Variants in THUMPD2 observed in about 807,000 individuals in gnomAD.
THUMPD2 encodes the protein U6 snRNA (guanine-N(2))-methyltransferase THUMPD2.
In THUMPD2, 56 loss-of-function variants were observed where a neutral mutation model predicts 49.4. That is an observed-to-expected ratio of 1.13 (90% confidence interval 0.91 to 1.41). The LOEUF (loss-of-function observed/expected upper bound fraction) is 1.41. Ranked by LOEUF, THUMPD2 falls within the 40% of genes most tolerant of loss-of-function variation. The pLI is 0.00. For missense variants in THUMPD2, 709 were observed against 594.5 expected (o/e 1.19, Z -2.00); for synonymous variants, 237 against 205.2 (o/e 1.15, Z -1.32).
At chr2:39,759,098 G>A (rs898159932) in intron 6 of THUMPD2, among the ~76,000 whole-genome samples, 1 of 152,064 alleles carries the variant, frequency 6.6e-6, no homozygotes. Flanking sequence ...GGGAAATCAT[G>A]TCAAAAGGAT....
At chr2:39,753,706 T>C (rs564190895) in intron 8 of THUMPD2, among the ~76,000 whole-genome samples, 2 of 152,222 alleles carry the variant, frequency 1.3e-5, no homozygotes, top group Admixed American at 6.5e-5. Context: ...CTCTCTCTCA[T>C]AGTCCACATC....
chr2:39,736,856 T>C lies in THUMPD2; in HGVS notation c.1391A>G (p.Lys464Arg), dbSNP rs370255117. 8 of 1,614,100 alleles carry C rather than the reference T, an allele frequency of 5.0e-6. No homozygotes were observed. The highest frequency in any genetic ancestry group is 2.7e-5 in the African/African-American group (2 of 74,938). ...ASTSFEASNH[K>R]FLDRMSPFGS... ...AAATGGTGACATTCTGTCTAAGAAT[T>C]TGTGGTTACTGGCTTCGAATGAAGT... Residue 464 changes from lysine to arginine, a missense_variant, in exon 10 of 10, where the codon AAA (lysine) becomes AGA (arginine). Coordinates refer to ENST00000505747, the MANE Select transcript of THUMPD2 (RefSeq NM_025264.5).
At chr2:39,776,178 A>G (rs1679065775) in intron 1 of THUMPD2, among the ~76,000 whole-genome samples, 1 of 152,228 alleles carries the variant, frequency 6.6e-6, no homozygotes, top group African/African-American at 2.4e-5. Context: ...TACTTTCTTC[A>G]AAGTAGTCTA....
intron 4 of THUMPD2, among the ~76,000 whole-genome samples, chr2:39,767,195 T>C (rs547660050): frequency 2.0e-5 from 3 of 152,326 alleles, no homozygotes; most frequent in East Asian, 1.9e-4. Context: ...AAATGGCTGA[T>C]AGGAATTGAA....
At chr2:39,740,058 T>C (rs1004446538) in intron 9 of THUMPD2, among the ~76,000 whole-genome samples, 3 of 152,212 alleles carry the variant, frequency 2.0e-5, no homozygotes, top group African/African-American at 7.2e-5. Context: ...GGCAGTTGGA[T>C]ATGCTCTGTA....
Position 39,769,997 on chromosome 2 carries a change from C to A in THUMPD2, c.385G>T (p.Asp129Tyr), listed in dbSNP as rs778426483. Residue 129 changes from aspartate to tyrosine, a missense_variant, in exon 3 of 10, where the codon GAT becomes TAT. Transcript: ENST00000505747. ...DAKKEKLSQRDDNQLKRKVGE... is the reference protein window; with the variant it reads ...DAKKEKLSQRYDNQLKRKVGE... ...ACTTTTCTTTTTAGTTGGTTATCATCTCTCTGAGAAAGTTTTTCCTTTTTT... is the reference window on the plus strand; with the variant it reads ...ACTTTTCTTTTTAGTTGGTTATCATATCTCTGAGAAAGTTTTTCCTTTTTT... 3.8e-6 allele frequency: 6 copies of A among 1,576,112 alleles called. No individual in the cohort carries two copies. Among genetic ancestry groups the A allele is most frequent in the Non-Finnish European group, 3.4e-6 (4 of 1,169,668 alleles).
rs201198596 is a variant in THUMPD2, at chr2:39,755,372, T to C, written c.1001A>G (p.Gln334Arg). The change falls in exon 8 of 10, where the codon CAG becomes CGG. Residue 334 changes from glutamine (Q) to arginine (R), a missense_variant. By Grantham distance (43) the Gln-to-Arg change is conservative. Coordinates refer to ENST00000505747, the MANE Select transcript of THUMPD2 (RefSeq NM_025264.5). ...YYVGADVSDS[Q>R]LLGTWDNLKA... Reference sequence around the variant, plus strand: ...CAGATTGTCCCAAGTACCTAGTAACTGTGAGTCGCTGACATCAGCACCTAC... The same window carrying C: ...CAGATTGTCCCAAGTACCTAGTAACCGTGAGTCGCTGACATCAGCACCTAC... 35 of 1,559,662 alleles carry C rather than the reference T, an allele frequency of 2.2e-5. No homozygotes were observed. The highest frequency in any genetic ancestry group is 2.6e-6 in the Non-Finnish European group (3 of 1,162,258).
intron 9 of THUMPD2, among the ~76,000 whole-genome samples, chr2:39,737,672 G>A (rs1374641646): frequency 6.6e-6 from 1 of 152,204 alleles, no homozygotes; most frequent in African/African-American, 2.4e-5. Flanking sequence ...GCAAGCATGA[G>A]GGGCTTGGGA....
At chr2:39,748,748 G>A (rs548543652) in intron 8 of THUMPD2, among the ~76,000 whole-genome samples, 9 of 152,012 alleles carry the variant, frequency 5.9e-5, no homozygotes, top group Non-Finnish European at 1.0e-4. Context: ...CCAGCACTCC[G>A]GGAGGCTGAG....
chr2:39,772,088 C>T (rs2148342416), intron 1 of THUMPD2, among the ~76,000 whole-genome samples: 1 of 152,162 alleles, frequency 6.6e-6, no homozygotes, highest in South Asian at 2.1e-4. Context: ...TGTAAGTACA[C>T]TAAGTAGCAA....
rs1054830206 is a variant in THUMPD2 at position 39,736,247 on chromosome 2, A to C, written c.*488T>G. Reference sequence around the variant, plus strand: ...ATTATTCTCACTGTTGGTTTACATAATAAACATATAAAATGTATTGCAAAT... The same window carrying C: ...ATTATTCTCACTGTTGGTTTACATACTAAACATATAAAATGTATTGCAAAT... On this transcript the variant is annotated 3_prime_UTR_variant, in exon 10 of 10. Coordinates refer to ENST00000505747, the MANE Select transcript of THUMPD2 (RefSeq NM_025264.5). 1 of 152,904 alleles carries C rather than the reference A, an allele frequency of 6.5e-6. No individual in the cohort carries two copies. Among genetic ancestry groups the C allele is most frequent in the African/African-American group, 2.4e-5 (1 of 41,458 alleles). The allele number at this position is 152,904 out of a possible 1,614,324, so 9.5% of individuals were successfully genotyped here. A position where few individuals can be genotyped will look rare whatever the true frequency, so the allele number is the denominator to read the frequency against.
intron 1 of THUMPD2, among the ~76,000 whole-genome samples, chr2:39,774,171 C>T (rs1306430858): frequency 6.6e-6 from 1 of 152,210 alleles, no homozygotes; most frequent in Non-Finnish European, 1.5e-5. Context: ...CGCCTTGTGC[C>T]CTGAGCTGCC....
chr2:39,739,268 T>C (rs1278484283), intron 9 of THUMPD2, among the ~76,000 whole-genome samples: 1 of 152,196 alleles, frequency 6.6e-6, no homozygotes, highest in East Asian at 1.9e-4. Flanking sequence ...ACCTTTTTGA[T>C]GTCACTGCCT....
chr2:39,773,583 A>T (rs1389068488), intron 1 of THUMPD2, among the ~76,000 whole-genome samples: 12 of 134,022 alleles, frequency 9.0e-5, no homozygotes, highest in Middle Eastern at 3.8e-3. Flanking sequence ...ATATTTTAAA[A>T]ATATATATAT....
chr2:39,757,280 G>A, intron 6 of THUMPD2: 1 of 765,766 alleles, frequency 1.3e-6, no homozygotes, highest in Non-Finnish European at 2.0e-6. Flanking sequence ...CTCGAGATAG[G>A]GGAGAAAAGA....
At chr2:39,778,214 T>C (rs1377158396) in intron 1 of THUMPD2, among the ~76,000 whole-genome samples, 2 of 152,246 alleles carry the variant, frequency 1.3e-5, no homozygotes, top group African/African-American at 2.4e-5. Flanking sequence ...ACATATTAAA[T>C]GTTCAATAAA....
At chr2:39,772,454 G>A (rs1466840214) in intron 1 of THUMPD2, among the ~76,000 whole-genome samples, 4 of 152,144 alleles carry the variant, frequency 2.6e-5, no homozygotes, top group Non-Finnish European at 5.9e-5. Context: ...AGAGGGAGAA[G>A]TAGGTTACTA....
intron 3 of THUMPD2, chr2:39,769,382 C>G (rs2148331295): frequency 4.1e-6 from 1 of 241,774 alleles, no homozygotes; most frequent in Admixed American, 4.9e-5. Flanking sequence ...CATTTTAAAT[C>G]TAAAGAATAA....
intron 9 of THUMPD2, among the ~76,000 whole-genome samples, chr2:39,743,138 G>GA (rs1217974782): frequency 1.4e-4 from 22 of 152,312 alleles, no homozygotes; most frequent in Admixed American, 5.9e-4. Flanking sequence ...ACTTGACCCT[G>GA]ATTTTTCTCC....
Sources: gnomAD v4.1 joint callset for allele counts (sites outside exome capture counted in the v4.1 genomes callset) on GRCh38, gnomAD v4.1.1 for gene constraint, MANE v1.5 for transcripts, NCBI Gene and HGNC (gene_info 2026-07-23, HGNC 2026-07-21) for gene names.